The following TFAP2B variants were observed in gnomAD, a reference collection of about 807,000 sequenced individuals.
TFAP2B encodes transcription factor AP-2-beta.
In TFAP2B, 9 loss-of-function variants were observed where a neutral mutation model predicts 44.3. The observed-to-expected ratio is 0.20, with a 90% CI of 0.12 to 0.35. The LOEUF (loss-of-function observed/expected upper bound fraction) is 0.35. Ranked by LOEUF, TFAP2B falls within the 10% of genes least tolerant of loss-of-function variation. The pLI, the probability that TFAP2B is intolerant of heterozygous loss-of-function variation, is 1.00. For missense variants in TFAP2B, 509 were observed against 600.0 expected, an observed-to-expected ratio of 0.85 and a Z score of 1.59; for synonymous variants, 270 against 263.8, an observed-to-expected ratio of 1.02 and a Z score of -0.23.
intron 2 of TFAP2B, among the ~76,000 whole-genome samples, chr6:50,827,556 G>T (rs531413635): frequency 6.6e-6 from 1 of 152,212 alleles, no homozygotes; most frequent in East Asian, 1.9e-4. Flanking sequence ...ATGAGTCGGT[G>T]TGAGTGCTGT....
At chr6:50,827,736 C>A (rs72890684) in intron 2 of TFAP2B, among the ~76,000 whole-genome samples, 4,000 of 152,304 alleles carry the variant, frequency 0.026, 76 homozygotes, top group Non-Finnish European at 0.041. Context: ...TGCTTTTGGA[C>A]GCCCTGGGAT....
chr6:50,822,107 G>A (rs1266522248), intron 1 of TFAP2B: 1 of 1,297,916 alleles, frequency 7.7e-7, no homozygotes, highest in Non-Finnish European at 1.0e-6. Flanking sequence ...GTTTGATTTT[G>A]AGCAGTAACC....
At position 50,844,868 on chromosome 6, in the gene TFAP2B, A is replaced by AT. The variant is rs1479155932; in HGVS notation, c.*1481dup. ...TTACAAGATGCTTTATGAATGAGGC[A>AT]TTTTTCCCTCCCAGACGTGCACTTG... On this transcript the variant is annotated 3_prime_UTR_variant, in exon 7 of 7. Coordinates refer to ENST00000393655, the MANE Select transcript of TFAP2B (RefSeq NM_003221.4). 3.3e-5 allele frequency: 5 copies of AT among 152,206 alleles called. No homozygotes were observed. The highest frequency in any genetic ancestry group is 3.3e-4 in the Admixed American group (5 of 15,282). The allele number at this position is 152,206 out of a possible 1,614,324, so 9.4% of individuals were successfully genotyped here.
chr6:50,819,981 G>A (rs773813033), intron 1 of TFAP2B, among the ~76,000 whole-genome samples: 1 of 152,202 alleles, frequency 6.6e-6, no homozygotes, highest in Non-Finnish European at 1.5e-5. Context: ...AGCCCCAGGT[G>A]GTTGCCAGGG....
rs556004349 is a variant in TFAP2B at position 50,828,942 on chromosome 6, C to G, written c.601+263C>G. ...TCTCATGGCATATTTGGTAGCCATT[C>G]TTGATACATCTTAAATAATTGAGCT... On this transcript the variant is annotated intron_variant, in intron 3 of 6. Coordinates refer to ENST00000393655, the MANE Select transcript of TFAP2B (RefSeq NM_003221.4). Among the ~76,000 whole-genome samples, 88 of 152,258 alleles carry G rather than the reference C, an allele frequency of 5.8e-4. 1 individual carries two copies. The South Asian group carries it at 0.018, about 32-fold the overall frequency.
At chr6:50,821,448 G>A (rs550276861) in intron 1 of TFAP2B, among the ~76,000 whole-genome samples, 2 of 152,124 alleles carry the variant, frequency 1.3e-5, no homozygotes, top group South Asian at 4.1e-4. Context: ...AGGCGACCAA[G>A]TCCTCCGGAT....
intron 6 of TFAP2B, among the ~76,000 whole-genome samples, chr6:50,842,269 T>A (rs574148954): frequency 6.6e-6 from 1 of 152,330 alleles, no homozygotes; most frequent in South Asian, 2.1e-4. Context: ...ATTTCTCAAA[T>A]AAGCTCAATC....
chr6:50,830,019 A>G (rs1229521730), intron 3 of TFAP2B, among the ~76,000 whole-genome samples: 1 of 152,086 alleles, frequency 6.6e-6, no homozygotes, highest in Non-Finnish European at 1.5e-5. Flanking sequence ...TGGGTTTGCT[A>G]GGATACCCAG....
intron 5 of TFAP2B, among the ~76,000 whole-genome samples, chr6:50,839,867 C>T (rs1027533385): frequency 1.3e-5 from 2 of 152,100 alleles, no homozygotes; most frequent in Non-Finnish European, 2.9e-5. Flanking sequence ...TATAAGGTGG[C>T]TCTTGACAAA....
chr6:50,819,698 C>A lies in TFAP2B; in HGVS notation c.81+726C>A, dbSNP rs555657112. ...CAACTCTTCGGGGCAGGAGAAGTTG[C>A]GCCCAGCCAGGAGGACGCCAGCCGC... On this transcript the variant is annotated intron_variant, in intron 1 of 6. Transcript: ENST00000393655. Among the ~76,000 whole-genome samples, 7 of 152,306 alleles carry A rather than the reference C, an allele frequency of 4.6e-5. No individual in the cohort carries two copies. The South Asian group carries it at 1.4e-3, about 32-fold the overall frequency.
At position 50,846,494 on chromosome 6, in the gene TFAP2B, T is replaced by G. The variant is rs1223082985; in HGVS notation, c.*3102T>G. 6.6e-6 allele frequency: 1 copy of G among 152,518 alleles called. No homozygotes were observed. The highest frequency in any genetic ancestry group is 1.5e-5 in the Non-Finnish European group (1 of 68,074). 9.4% of individuals were successfully genotyped at this position (152,518 alleles called of 1,614,324 possible). ...CCCGGCCCCTGCACTCTTCAGACAT[T>G]TGGTCCCTGCCCACTCCTAAACGCT... On this transcript the variant is annotated 3_prime_UTR_variant, in exon 7 of 7. Coordinates refer to ENST00000393655, the MANE Select transcript of TFAP2B (RefSeq NM_003221.4).
chr6:50,830,050 A>T (rs2857504), intron 3 of TFAP2B, among the ~76,000 whole-genome samples: 1 of 152,100 alleles, frequency 6.6e-6, no homozygotes, highest in South Asian at 2.1e-4. Flanking sequence ...TAAATTTGCA[A>T]CTGTGCTGAC....
intron 3 of TFAP2B, among the ~76,000 whole-genome samples, chr6:50,831,082 C>G (rs1471599847): frequency 6.6e-6 from 1 of 152,156 alleles, no homozygotes; most frequent in Non-Finnish European, 1.5e-5. Flanking sequence ...CTCTATGTCT[C>G]TTTCTCCAGT....
At chr6:50,829,657 T>C (rs1465108940) in intron 3 of TFAP2B, among the ~76,000 whole-genome samples, 1 of 152,232 alleles carries the variant, frequency 6.6e-6, no homozygotes, top group East Asian at 1.9e-4. Flanking sequence ...CTTTCAATCA[T>C]TTATGATTCA....
chr6:50,826,588 T>C (rs72890683), intron 2 of TFAP2B, among the ~76,000 whole-genome samples: 14,762 of 149,142 alleles, frequency 0.099, 862 homozygotes, highest in Middle Eastern at 0.18. Flanking sequence ...CGCGCGCGCG[T>C]GTGTGTGTGT....
intron 2 of TFAP2B, among the ~76,000 whole-genome samples, chr6:50,824,171 C>G (rs913449407): frequency 4.6e-5 from 7 of 152,208 alleles, no homozygotes; most frequent in African/African-American, 1.7e-4. Flanking sequence ...TTTTGTCCTG[C>G]CTCAGCTACC....
At chr6:50,823,272 T>C in intron 1 of TFAP2B, 135 bp from the exon 2 acceptor site, 1 of 815,962 alleles carries the variant, frequency 1.2e-6, no homozygotes, top group Middle Eastern at 3.4e-4. Flanking sequence ...GGGAAGAGCG[T>C]ACAAAAGCCG....
rs1365759687 is a variant in TFAP2B, at chr6:50,844,401, C to T, written c.*1009C>T. 1 of 152,436 alleles carries T rather than the reference C, an allele frequency of 6.6e-6. No homozygotes were observed. Among genetic ancestry groups the T allele is most frequent in the Admixed American group, 6.6e-5 (1 of 15,258 alleles). The allele number at this position is 152,436 out of a possible 1,614,324, so 9.4% of individuals were successfully genotyped here. On this transcript the variant is annotated 3_prime_UTR_variant, in exon 7 of 7. Coordinates refer to ENST00000393655, the MANE Select transcript of TFAP2B (RefSeq NM_003221.4). The stretch of plus-strand genomic sequence containing the variant: ...CTTCTGTTTTCCAAAGCTTTGCCCG[C>T]ATGGTTTATGAGCTTCTTCAAAGAG...
chr6:50,831,998 G>A (rs1762506609), intron 3 of TFAP2B, among the ~76,000 whole-genome samples: 1 of 152,148 alleles, frequency 6.6e-6, no homozygotes. Context: ...ACTTTGACTG[G>A]TGTGGATTTT....
Sources: allele counts gnomAD v4.1 joint callset (sites outside exome capture counted in the v4.1 genomes callset), GRCh38; gene constraint gnomAD v4.1.1; transcripts MANE v1.5; gene names NCBI Gene and HGNC (gene_info 2026-07-23, HGNC 2026-07-21).